The following ATP8A2 variants were observed in gnomAD, a reference collection of about 807,000 sequenced individuals.
ATP8A2 encodes the protein ATPase phospholipid transporting 8A2, also known as phospholipid-transporting ATPase IB.
ATP8A2 carries 100 observed loss-of-function variants against 165.6 expected under a neutral mutation model. The ratio of observed to expected loss-of-function variants is 0.60; its 90% CI spans 0.51 to 0.71. The LOEUF (loss-of-function observed/expected upper bound fraction) is 0.71. ATP8A2 is among the 30% of genes least tolerant of loss of function. The pLI is 0.00. For synonymous variants in ATP8A2, 543 were observed against 548.8 expected, an observed-to-expected ratio of 0.99 and a Z score of 0.15; for missense variants, 1,227 against 1,479.5, an observed-to-expected ratio of 0.83 and a Z score of 2.80.
intron 2 of ATP8A2, among the ~76,000 whole-genome samples, chr13:25,507,743 A>T (rs1313118220): frequency 1.3e-5 from 2 of 152,214 alleles, no homozygotes; most frequent in Non-Finnish European, 2.9e-5. Flanking sequence ...AGAACTTCTT[A>T]ATACTAAACC....
At chr13:25,839,117 C>T (rs1951695999) in intron 29 of ATP8A2, among the ~76,000 whole-genome samples, 1 of 152,142 alleles carries the variant, frequency 6.6e-6, no homozygotes, top group South Asian at 2.1e-4. Context: ...TAAGACATCC[C>T]ATCTGCCCCG....
At chr13:25,513,362 C>T (rs375338958) in intron 2 of ATP8A2, among the ~76,000 whole-genome samples, 11 of 151,598 alleles carry the variant, frequency 7.3e-5, no homozygotes, top group Middle Eastern at 3.2e-3. Context: ...AGACGATGGG[C>T]GGCCGGGCAG....
intron 34 of ATP8A2, among the ~76,000 whole-genome samples, chr13:25,967,444 G>T (rs1458207839): frequency 6.6e-6 from 1 of 152,184 alleles, no homozygotes; most frequent in Non-Finnish European, 1.5e-5. Context: ...TTTCCTTGAA[G>T]GTGGAGGGTG....
At chr13:25,537,403 T>C (rs1048054364) in intron 6 of ATP8A2, among the ~76,000 whole-genome samples, 6 of 152,214 alleles carry the variant, frequency 3.9e-5, no homozygotes, top group Non-Finnish European at 8.8e-5. Flanking sequence ...TTATTTTGTT[T>C]TCTGCACCTC....
chr13:25,722,041 T>C (rs2043393241), intron 25 of ATP8A2, among the ~76,000 whole-genome samples: 1 of 152,220 alleles, frequency 6.6e-6, no homozygotes, highest in South Asian at 2.1e-4. Context: ...CCCCAGTGGC[T>C]GCCTTATTTT....
chr13:25,854,886 G>A (rs1007008058), intron 30 of ATP8A2, among the ~76,000 whole-genome samples: 5 of 152,102 alleles, frequency 3.3e-5, no homozygotes, highest in Admixed American at 3.3e-4. Flanking sequence ...TATTCACAGA[G>A]TTGTACAGCC....
At chr13:25,438,016 A>T (rs1291102206) in intron 1 of ATP8A2, among the ~76,000 whole-genome samples, 2 of 152,176 alleles carry the variant, frequency 1.3e-5, no homozygotes, top group Non-Finnish European at 2.9e-5. Context: ...TCTTTTTCTA[A>T]TTACAAACTA....
At chr13:25,474,388 C>T (rs1593362718) in intron 2 of ATP8A2, among the ~76,000 whole-genome samples, 2 of 151,868 alleles carry the variant, frequency 1.3e-5, no homozygotes, top group East Asian at 1.9e-4. Context: ...GGTGAAACCC[C>T]GTCTCTACTA....
intron 24 of ATP8A2, among the ~76,000 whole-genome samples, chr13:25,603,233 A>G (rs2040433053): frequency 6.6e-6 from 1 of 152,086 alleles, no homozygotes; most frequent in Admixed American, 6.5e-5. Flanking sequence ...CACGCCTGTA[A>G]TCCCAGCAGT....
At position 26,022,307 on chromosome 13, in the gene ATP8A2, G is replaced by T. The variant is rs1232710845; in HGVS notation, c.*2322G>T. On this transcript the variant is annotated 3_prime_UTR_variant, in exon 37 of 37. Transcript: ENST00000381655. ...GAACTAAGCCTATTTGGAAAGAGTG[G>T]ATTAGAAATTGAATTCTTTGTCAAA... The T allele has an allele frequency of 1.3e-5, 2 of 152,040 alleles. No homozygotes were observed. Among genetic ancestry groups the T allele is most frequent in the Non-Finnish European group, 2.9e-5 (2 of 68,012 alleles). 9.4% of individuals were successfully genotyped at this position (152,040 alleles called of 1,614,324 possible). A position where few individuals can be genotyped will look rare whatever the true frequency, so the allele number is the denominator to read the frequency against.
chr13:25,526,319 G>C (rs555482688), intron 2 of ATP8A2, among the ~76,000 whole-genome samples: 1 of 152,128 alleles, frequency 6.6e-6, no homozygotes, highest in African/African-American at 2.4e-5. Flanking sequence ...TGCTTCGTTT[G>C]TTCAGGGAAG....
At position 25,513,404 on chromosome 13, in the gene ATP8A2, G is replaced by C. The variant is rs554700889; in HGVS notation, c.222-16595G>C. On this transcript the variant is annotated intron_variant, in intron 2 of 36. Transcript: ENST00000381655. ...TTCTCACTTCCTAGATGGGATGGCG[G>C]CCGGGAAGAGGCGCTCCTCACTTCC... 2.2e-3 allele frequency among the ~76,000 whole-genome samples: 309 copies of C among 143,580 alleles called. 3 individuals are homozygous for C. The highest frequency in any genetic ancestry group is 7.0e-3 in the African/African-American group (284 of 40,366). 94.2% of individuals were successfully genotyped at this position (143,580 alleles called of 152,430 possible). A position where few individuals can be genotyped will look rare whatever the true frequency, so the allele number is the denominator to read the frequency against.
At chr13:25,602,606 C>G (rs150222947) in intron 24 of ATP8A2, among the ~76,000 whole-genome samples, 4 of 152,078 alleles carry the variant, frequency 2.6e-5, no homozygotes, top group African/African-American at 9.7e-5. Flanking sequence ...AGGCAAAGGC[C>G]GATGCTCCCC....
At chr13:25,581,424 G>C (rs1279395884) in intron 22 of ATP8A2, among the ~76,000 whole-genome samples, 3 of 152,146 alleles carry the variant, frequency 2.0e-5, no homozygotes, top group African/African-American at 7.2e-5. Context: ...TATTTTGCCA[G>C]GTAAGTGTAT....
intron 25 of ATP8A2, among the ~76,000 whole-genome samples, chr13:25,753,190 G>A (rs760891177): frequency 6.6e-6 from 1 of 152,202 alleles, no homozygotes; most frequent in Non-Finnish European, 1.5e-5. Context: ...GCACGTCCAA[G>A]AACACTGTAT....
intron 24 of ATP8A2, among the ~76,000 whole-genome samples, chr13:25,688,001 C>T (rs2042638538): frequency 6.6e-6 from 1 of 152,122 alleles, no homozygotes; most frequent in African/African-American, 2.4e-5. Context: ...GCCAGAGTCC[C>T]CACCCTCCAG....
chr13:25,723,775 C>T (rs983573275), intron 25 of ATP8A2, among the ~76,000 whole-genome samples: 1 of 152,146 alleles, frequency 6.6e-6, no homozygotes, highest in African/African-American at 2.4e-5. Flanking sequence ...ACGTAACCCC[C>T]GAGACTGCAG....
At chr13:26,016,403 C>T (rs748743423) in intron 36 of ATP8A2, among the ~76,000 whole-genome samples, 2 of 152,170 alleles carry the variant, frequency 1.3e-5, no homozygotes, top group African/African-American at 2.4e-5. Context: ...CAAATCATCC[C>T]GCTGCAATCC....
intron 33 of ATP8A2, chr13:25,881,085 C>A (rs1952965161): frequency 3.7e-6 from 1 of 270,412 alleles, no homozygotes; most frequent in African/African-American, 2.3e-5. Flanking sequence ...AAATTCAACA[C>A]CTTGACACTG....
Sources: allele counts gnomAD v4.1 joint callset (sites outside exome capture counted in the v4.1 genomes callset), GRCh38; gene constraint gnomAD v4.1.1; transcripts MANE v1.5; gene names NCBI Gene and HGNC (gene_info 2026-07-23, HGNC 2026-07-21).